The following ABR variants were observed in gnomAD, a reference collection of about 807,000 sequenced individuals.
ABR encodes active breakpoint cluster region-related protein.
Under a neutral mutation model 107.2 loss-of-function variants are expected in ABR, and 35 were observed. The ratio of observed to expected loss-of-function variants is 0.33; its 90% CI spans 0.25 to 0.43. The LOEUF is 0.43. Among genes scored for constraint, ABR ranks in the 20% least tolerant of loss-of-function variants. The pLI is 1.00. For synonymous variants in ABR, 498 were observed against 462.0 expected (o/e 1.08, Z -1.00); for missense variants, 815 against 1,115.2 (o/e 0.73, Z 3.83).
chr17:1,031,776 G>A lies in ABR; in HGVS notation c.1791+18274C>T, dbSNP rs1269517462. The A allele has an allele frequency of 4.1e-6, 5 of 1,230,058 alleles. No individual in the cohort carries two copies. In the South Asian group the frequency reaches 1.6e-4, roughly 38 times the overall value. 76.2% of individuals were successfully genotyped at this position (1,230,058 alleles called of 1,614,324 possible). A position where few individuals can be genotyped will look rare whatever the true frequency, so the allele number is the denominator to read the frequency against. ...GACGGGACGCGGCGCTGGAGAGAAG[G>A]CGCCTGTGGAGCGCTCAGTCCCGGC... On this transcript the variant is annotated intron_variant, in intron 16 of 22. Coordinates refer to ENST00000302538, the MANE Select transcript of ABR (RefSeq NM_021962.5).
chr17:1,224,438 T>C (rs1460810775), intron 1 of ABR, among the ~76,000 whole-genome samples: 2 of 152,160 alleles, frequency 1.3e-5, no homozygotes, highest in Non-Finnish European at 2.9e-5. Context: ...CCTCTGTAGG[T>C]GAGGCCTCAC....
intron 13 of ABR, among the ~76,000 whole-genome samples, 158 bp downstream of exon 13, chr17:1,056,840 C>A (rs1442723204): frequency 6.6e-6 from 1 of 152,198 alleles, no homozygotes; most frequent in African/African-American, 2.4e-5. Context: ...GACAGTCACC[C>A]CTACCCAAGC....
At chr17:1,032,661 CCTTGAGAG>C (rs1567616702) in intron 16 of ABR, among the ~76,000 whole-genome samples, 51 of 148,880 alleles carry the variant, frequency 3.4e-4, no homozygotes, top group South Asian at 8.4e-4. Flanking sequence ...GTGCTGGGCG[CCTTGAGAG>C]AGAGAAGAAC....
chr17:1,032,406 T>C (rs558005466), intron 16 of ABR, among the ~76,000 whole-genome samples: 2 of 152,302 alleles, frequency 1.3e-5, no homozygotes, highest in Admixed American at 1.3e-4. Context: ...ATCGGGTCAC[T>C]GATCTGCTCA....
intron 10 of ABR, among the ~76,000 whole-genome samples, chr17:1,061,122 T>A (rs146753099): frequency 4.5e-4 from 68 of 152,328 alleles, no homozygotes; most frequent in South Asian, 2.3e-3. Context: ...GTCTGCTTCC[T>A]CCACTGGACA....
chr17:1,189,127 A>C (rs1291168104), upstream of ABR, among the ~76,000 whole-genome samples: 1 of 152,110 alleles, frequency 6.6e-6, no homozygotes, highest in Non-Finnish European at 1.5e-5. Context: ...GTTCTCCCGA[A>C]AGGAGAGTGA....
intron 2 of ABR, among the ~76,000 whole-genome samples, chr17:1,123,883 G>A (rs994280478): frequency 6.6e-5 from 10 of 152,088 alleles, no homozygotes; most frequent in African/African-American, 1.9e-4. Flanking sequence ...CCCTGCCCCC[G>A]CAGGTCCGAG....
intron 4 of ABR, 92 bp downstream of exon 4, chr17:1,091,573 A>G (rs571477192): frequency 1.4e-6 from 2 of 1,442,680 alleles, no homozygotes; most frequent in South Asian, 1.3e-5. Flanking sequence ...AAGGAGTCCG[A>G]GAGGGCTGCC....
chr17:1,226,958 C>T (rs1455836712), intron 1 of ABR, among the ~76,000 whole-genome samples: 1 of 152,146 alleles, frequency 6.6e-6, no homozygotes, highest in African/African-American at 2.4e-5. Context: ...AGGCAGAACC[C>T]GAACATGTAG....
At chr17:1,062,209 G>C (rs2034047795) in intron 10 of ABR, among the ~76,000 whole-genome samples, 1 of 151,802 alleles carries the variant, frequency 6.6e-6, no homozygotes, top group South Asian at 2.1e-4. Flanking sequence ...CGTGAACTGA[G>C]GGCTATGCAT....
intron 16 of ABR, among the ~76,000 whole-genome samples, chr17:1,036,842 G>A (rs1267906994): frequency 6.6e-6 from 1 of 152,124 alleles, no homozygotes; most frequent in African/African-American, 2.4e-5. Flanking sequence ...ATGAGACACT[G>A]AGACTCACTC....
intron 6 of ABR, 101 bp downstream of exon 6, chr17:1,079,229 A>ACGCT: frequency 6.6e-7 from 1 of 1,523,830 alleles, no homozygotes; most frequent in Non-Finnish European, 8.9e-7. Context: ...GCGCTCACAC[A>ACGCT]CACGCACACA....
chr17:1,214,225 C>T (rs1475862809), intron 1 of ABR, among the ~76,000 whole-genome samples: 3 of 151,948 alleles, frequency 2.0e-5, no homozygotes, highest in Admixed American at 2.0e-4. Context: ...CTTCCCCGCC[C>T]CCCACCACCA....
chr17:1,161,657 C>T (rs976479098), intron 1 of ABR, among the ~76,000 whole-genome samples: 4 of 151,160 alleles, frequency 2.6e-5, no homozygotes, highest in African/African-American at 4.9e-5. Flanking sequence ...AGGGTTCAAA[C>T]AATTCTCCTG....
At chr17:1,108,860 A>G in intron 2 of ABR, 2 of 1,467,164 alleles carry the variant, frequency 1.4e-6, no homozygotes, top group South Asian at 1.4e-5. Context: ...CGCCCGCATC[A>G]GCCATTTCTC....
chr17:1,225,936 T>G (rs1567905681), intron 1 of ABR, among the ~76,000 whole-genome samples: 1 of 152,192 alleles, frequency 6.6e-6, no homozygotes, highest in Non-Finnish European at 1.5e-5. Context: ...CAAACCTTTT[T>G]GTTCATCTCA....
upstream of ABR, among the ~76,000 whole-genome samples, chr17:1,183,604 A>T (rs1429399852): frequency 1.3e-5 from 2 of 151,982 alleles, no homozygotes; most frequent in Non-Finnish European, 2.9e-5. Flanking sequence ...AAAAAAGGGG[A>T]CGGGCCCTAG....
chr17:1,216,380 G>A (rs1215389119), intron 1 of ABR, among the ~76,000 whole-genome samples: 4 of 152,264 alleles, frequency 2.6e-5, no homozygotes, highest in Middle Eastern at 3.4e-3. Flanking sequence ...AGAGGCAGCC[G>A]CAAACCCAGC....
intron 1 of ABR, among the ~76,000 whole-genome samples, chr17:1,175,041 AT>A (rs947964490): frequency 3.9e-5 from 6 of 152,200 alleles, no homozygotes; most frequent in South Asian, 2.1e-4. Flanking sequence ...AAATAAAAAA[AT>A]AAAATAAAAA....
Sources: allele counts gnomAD v4.1 joint callset (sites outside exome capture counted in the v4.1 genomes callset), GRCh38; gene constraint gnomAD v4.1.1; transcripts MANE v1.5; gene names NCBI Gene and HGNC (gene_info 2026-07-23, HGNC 2026-07-21).